Variants in RAB38 observed in about 807,000 individuals in gnomAD.
RAB38 encodes the protein ras-related protein Rab-38.
RAB38 carries 15 observed loss-of-function variants against 18.4 expected under a neutral mutation model. That is an observed-to-expected ratio of 0.82 (90% CI 0.55 to 1.26). The LOEUF is 1.26. RAB38 is among the 50% of genes most tolerant of loss of function. The probability of loss-of-function intolerance (pLI) is 0.00; values close to 1 mark genes in which losing one functional copy is unlikely to be tolerated. For missense variants in RAB38, 294 were observed against 267.4 expected (o/e 1.10, Z -0.69); for synonymous variants, 101 against 104.4 (o/e 0.97, Z 0.20).
the RAB38 span, among the ~76,000 whole-genome samples, chr11:87,819,381 T>C: frequency 6.6e-5 from 10 of 152,198 alleles, no homozygotes; most frequent in East Asian, 1.2e-3. Context: ...CTGCAGATAG[T>C]GTGGAGAGAT....
At chr11:87,947,483 T>A in the RAB38 span, among the ~76,000 whole-genome samples, 3 of 152,196 alleles carry the variant, frequency 2.0e-5, no homozygotes, top group Non-Finnish European at 2.9e-5. Flanking sequence ...TCCTGAATGG[T>A]ATTGCCTAGG....
chr11:88,008,262 A>T, the RAB38 span, among the ~76,000 whole-genome samples: 2 of 152,184 alleles, frequency 1.3e-5, no homozygotes, highest in African/African-American at 4.8e-5. Context: ...ATAAAACACA[A>T]AAGAGCTTTA....
the RAB38 span, among the ~76,000 whole-genome samples, chr11:87,858,901 T>G: frequency 6.7e-6 from 1 of 149,846 alleles, no homozygotes; most frequent in East Asian, 2.0e-4. Flanking sequence ...GAAATATGAT[T>G]AATAAAATTG....
chr11:88,032,760 C>G, the RAB38 span, among the ~76,000 whole-genome samples: 2 of 152,160 alleles, frequency 1.3e-5, no homozygotes, highest in African/African-American at 4.8e-5. Flanking sequence ...GAAATAGGAA[C>G]ACTTTTACAC....
the RAB38 span, among the ~76,000 whole-genome samples, chr11:87,957,750 G>T: frequency 6.6e-6 from 1 of 152,040 alleles, no homozygotes; most frequent in Non-Finnish European, 1.5e-5. Context: ...ATAATCTGAG[G>T]TGGGGAGAAA....
chr11:87,834,144 G>A, the RAB38 span, among the ~76,000 whole-genome samples: 1 of 152,168 alleles, frequency 6.6e-6, no homozygotes, highest in Non-Finnish European at 1.5e-5. Flanking sequence ...GAAAGTCGTG[G>A]TCCATTTGGA....
chr11:88,144,390 G>A (rs1032667231), intron 2 of RAB38, among the ~76,000 whole-genome samples: 2 of 152,196 alleles, frequency 1.3e-5, no homozygotes, highest in Non-Finnish European at 2.9e-5. Flanking sequence ...AGCAAAAGAA[G>A]AAAGTTTCCT....
At chr11:88,118,812 A>T (rs891353041) in intron 2 of RAB38, among the ~76,000 whole-genome samples, 1 of 152,240 alleles carries the variant, frequency 6.6e-6, no homozygotes, top group Non-Finnish European at 1.5e-5. Flanking sequence ...TAAAATTCCT[A>T]ACAAAGAATT....
the RAB38 span, among the ~76,000 whole-genome samples, chr11:88,067,184 A>G: frequency 6.6e-6 from 1 of 152,200 alleles, no homozygotes; most frequent in Non-Finnish European, 1.5e-5. Context: ...TGCATATAAA[A>G]CATTAAGAAG....
the RAB38 span, among the ~76,000 whole-genome samples, chr11:87,869,480 G>A: frequency 6.6e-6 from 1 of 151,626 alleles, no homozygotes; most frequent in Non-Finnish European, 1.5e-5. Context: ...TCTGTATCCT[G>A]TAAACAGGTC....
At chr11:87,944,431 G>A in the RAB38 span, among the ~76,000 whole-genome samples, 1 of 152,116 alleles carries the variant, frequency 6.6e-6, no homozygotes, top group African/African-American at 2.4e-5. Flanking sequence ...ATTGTCTCTT[G>A]TCCATGTTGG....
At chr11:88,077,691 T>C in the RAB38 span, among the ~76,000 whole-genome samples, 14 of 151,776 alleles carry the variant, frequency 9.2e-5, no homozygotes, top group African/African-American at 2.9e-4. Context: ...CAGAAGAAAA[T>C]ATTGGGAAAA....
At chr11:87,970,358 C>T in the RAB38 span, among the ~76,000 whole-genome samples, 4 of 152,066 alleles carry the variant, frequency 2.6e-5, no homozygotes, top group African/African-American at 7.2e-5. Flanking sequence ...CTGTTAGACT[C>T]TGCCTTTATT....
At chr11:87,904,442 A>G in the RAB38 span, among the ~76,000 whole-genome samples, 48 of 151,784 alleles carry the variant, frequency 3.2e-4, no homozygotes, top group Non-Finnish European at 5.5e-4. Context: ...TAATGGCTGC[A>G]TAGTATTCTA....
intron 2 of RAB38, among the ~76,000 whole-genome samples, chr11:88,128,971 T>C (rs1284291468): frequency 1.3e-5 from 2 of 152,306 alleles, no homozygotes; most frequent in African/African-American, 2.4e-5. Flanking sequence ...GGCTCAATGA[T>C]TTTGAATCTG....
At chr11:87,977,964 A>T in the RAB38 span, among the ~76,000 whole-genome samples, 1 of 112,776 alleles carries the variant, frequency 8.9e-6, no homozygotes, top group African/African-American at 3.6e-5. Flanking sequence ...TATATAAATA[A>T]GATATATTAT....
the RAB38 span, among the ~76,000 whole-genome samples, chr11:87,935,204 G>C: frequency 2.6e-5 from 4 of 152,078 alleles, no homozygotes; most frequent in Admixed American, 2.0e-4. Flanking sequence ...CGTCTCCTCA[G>C]TCATTTCATC....
the RAB38 span, among the ~76,000 whole-genome samples, chr11:88,063,829 C>T: frequency 6.6e-6 from 1 of 152,160 alleles, no homozygotes; most frequent in Non-Finnish European, 1.5e-5. Flanking sequence ...GAGGCCTCCC[C>T]AGCCACGTGG....
At chr11:87,833,271 T>A in the RAB38 span, among the ~76,000 whole-genome samples, 1 of 152,172 alleles carries the variant, frequency 6.6e-6, no homozygotes, top group Non-Finnish European at 1.5e-5. Flanking sequence ...CTTCACTTCA[T>A]CAGGCTGAAG....
Sources: allele counts gnomAD v4.1 joint callset (sites outside exome capture counted in the v4.1 genomes callset), GRCh38; gene constraint gnomAD v4.1.1; transcripts MANE v1.5; gene names NCBI Gene and HGNC (gene_info 2026-07-23, HGNC 2026-07-21).